MPP4: variants seen among roughly 807,000 people sequenced by gnomAD.
MPP4 encodes MAGUK p55 scaffold protein 4, also known as MAGUK p55 subfamily member 4.
MPP4 carries 91 observed loss-of-function variants against 98.3 expected under a neutral mutation model. The ratio of observed to expected loss-of-function variants is 0.93; its 90% CI spans 0.78 to 1.10. MPP4 has a LOEUF of 1.10. MPP4 is among the 50% of genes least tolerant of loss of function. MPP4 has a pLI of 0.00. For synonymous variants in MPP4, 261 were observed against 271.8 expected, an observed-to-expected ratio of 0.96 and a Z score of 0.39; for missense variants, 744 against 792.9, an observed-to-expected ratio of 0.94 and a Z score of 0.74.
chr2:201,657,866 C>T (rs998101470), intron 16 of MPP4, among the ~76,000 whole-genome samples: 2 of 152,012 alleles, frequency 1.3e-5, no homozygotes, highest in Non-Finnish European at 2.9e-5. Flanking sequence ...TTACTCTCCA[C>T]CTTTGTGTAG....
intron 9 of MPP4, 118 bp from the exon 10 acceptor site, chr2:201,681,152 C>G: frequency 2.0e-6 from 2 of 1,014,058 alleles, no homozygotes; most frequent in Non-Finnish European, 2.9e-6. Context: ...ACCTGCTACT[C>G]CTATCTTTCC....
At chr2:201,695,207 C>T (rs1368407006) in intron 1 of MPP4, among the ~76,000 whole-genome samples, 3 of 152,122 alleles carry the variant, frequency 2.0e-5, no homozygotes, top group African/African-American at 7.2e-5. Flanking sequence ...TGTCTACCTG[C>T]TCCAAGATGG....
intron 6 of MPP4, 125 bp downstream of exon 6, chr2:201,685,794 G>A (rs147179347): frequency 1.0e-5 from 11 of 1,087,102 alleles, no homozygotes; most frequent in Non-Finnish European, 1.4e-5. Context: ...AGAGTTGACA[G>A]CCGTTATTAT....
chr2:201,656,071 T>A, intron 17 of MPP4, 127 bp downstream of exon 17: 16 of 1,109,934 alleles, frequency 1.4e-5, no homozygotes, highest in Non-Finnish European at 2.0e-5. Flanking sequence ...CTTTGTTTTT[T>A]AAAAAAGGTA....
chr2:201,688,105 TG>T (rs1345672456), intron 4 of MPP4, among the ~76,000 whole-genome samples: 2 of 152,266 alleles, frequency 1.3e-5, no homozygotes. Flanking sequence ...GAGAACAATT[TG>T]AATTGTTGAT....
chr2:201,692,268 G>T (rs1689052770), intron 3 of MPP4, among the ~76,000 whole-genome samples: 3 of 152,216 alleles, frequency 2.0e-5, no homozygotes, highest in Admixed American at 2.0e-4. Flanking sequence ...GGCTAGCTGG[G>T]TGTGGTGGCT....
chr2:201,656,588 G>A (rs1559004601), intron 16 of MPP4, among the ~76,000 whole-genome samples: 1 of 152,194 alleles, frequency 6.6e-6, no homozygotes. Flanking sequence ...ATTGTCTTGG[G>A]TGCTGGCGAT....
chr2:201,696,404 A>G (rs1337448123), intron 1 of MPP4, among the ~76,000 whole-genome samples: 1 of 152,216 alleles, frequency 6.6e-6, no homozygotes, highest in Non-Finnish European at 1.5e-5. Context: ...AGTGCCTGCT[A>G]GAGAGCAGAC....
At chr2:201,681,398 C>G (rs143759955) in intron 9 of MPP4, 98 bp downstream of exon 9, 1 of 1,062,904 alleles carries the variant, frequency 9.4e-7, no homozygotes, top group East Asian at 2.5e-5. Flanking sequence ...AATCCAGGTC[C>G]AACACAGTAC....
chr2:201,664,581 G>T (rs1688117563), intron 13 of MPP4, among the ~76,000 whole-genome samples: 1 of 152,172 alleles, frequency 6.6e-6, no homozygotes. Flanking sequence ...TGATCAGGTG[G>T]CTGAGAAGGA....
chr2:201,656,443 T>C, intron 16 of MPP4, 75 bp from the exon 17 acceptor site: 4 of 1,353,200 alleles, frequency 3.0e-6, no homozygotes, highest in East Asian at 2.6e-5. Context: ...TGATGAAATA[T>C]GTAGCAACCA....
chr2:201,687,052 G>C (rs190843714), intron 5 of MPP4, among the ~76,000 whole-genome samples: 267 of 152,288 alleles, frequency 1.8e-3, no homozygotes, highest in Non-Finnish European at 3.3e-3. Flanking sequence ...GGGAAACAAA[G>C]CACCATGGAA....
intron 15 of MPP4, 125 bp downstream of exon 15, chr2:201,660,206 AC>A: frequency 1.1e-6 from 1 of 930,912 alleles, no homozygotes; most frequent in Non-Finnish European, 1.7e-6. Context: ...TGAGGGGAAA[AC>A]CATAAACAAC....
chr2:201,675,243 G>C lies in MPP4; in HGVS notation c.958C>G (p.Pro320Ala). 1 of 1,609,444 alleles carries C rather than the reference G, an allele frequency of 6.2e-7. No individual in the cohort carries two copies. The highest frequency in any genetic ancestry group is 2.2e-5 in the East Asian group (1 of 44,790). ...RKQREFWWSQ[P>A]YQPHTCLKST... Reference sequence around the variant, plus strand: ...TTGAGGCAGGTGTGAGGCTGGTACGGCTGAGACCACCAGAATTCCCGTTGC... The same window carrying C: ...TTGAGGCAGGTGTGAGGCTGGTACGCCTGAGACCACCAGAATTCCCGTTGC... Residue 320 changes from proline (P) to alanine (A), a missense_variant, in exon 11 of 22, where the codon CCG becomes GCG. Coordinates refer to ENST00000409474, the MANE Select transcript of MPP4 (RefSeq NM_033066.3).
intron 17 of MPP4, among the ~76,000 whole-genome samples, chr2:201,655,976 C>T (rs1466224934): frequency 6.6e-6 from 1 of 152,114 alleles, no homozygotes; most frequent in Non-Finnish European, 1.5e-5. Flanking sequence ...AGTTCATGGA[C>T]ACCATGTCAT....
At position 201,660,359 on chromosome 2, in the gene MPP4, G is replaced by A. The variant is rs1350041199; in HGVS notation, c.1073-13C>T. ...TCTGAAAGTTCCTCTGGATATTTGG[G>A]TAAGTGCAGAAACAGACATGAAAAA... On this transcript the variant is annotated splice_polypyrimidine_tract_variant and intron_variant, in intron 14 of 21. Coordinates refer to ENST00000409474, the MANE Select transcript of MPP4 (RefSeq NM_033066.3). 2 of 1,613,238 alleles carry A rather than the reference G, an allele frequency of 1.2e-6. No homozygotes were observed. Among genetic ancestry groups the A allele is most frequent in the Admixed American group, 1.7e-5 (1 of 60,018 alleles).
chr2:201,661,741 A>G (rs1688033460), intron 14 of MPP4, among the ~76,000 whole-genome samples: 1 of 152,180 alleles, frequency 6.6e-6, no homozygotes, highest in Non-Finnish European at 1.5e-5. Context: ...AGAGGTTAAG[A>G]GCCAGAGAAC....
At chr2:201,675,023 C>T (rs1224082554) in intron 11 of MPP4, 184 bp downstream of exon 11, 10 of 736,028 alleles carry the variant, frequency 1.4e-5, no homozygotes, top group African/African-American at 6.9e-5. Flanking sequence ...ACCACCCCCA[C>T]GCCCTCCCCA....
chr2:201,697,720 T>A (rs1481779604), intron 1 of MPP4, among the ~76,000 whole-genome samples: 1 of 152,170 alleles, frequency 6.6e-6, no homozygotes, highest in South Asian at 2.1e-4. Context: ...GTATCCTGAC[T>A]TAAACCTCTT....
Sources: allele counts gnomAD v4.1 joint callset (sites outside exome capture counted in the v4.1 genomes callset), GRCh38; gene constraint gnomAD v4.1.1; transcripts MANE v1.5; gene names NCBI Gene and HGNC (gene_info 2026-07-23, HGNC 2026-07-21).